FSIP1: variants seen among roughly 807,000 people sequenced by gnomAD.
FSIP1 encodes fibrous sheath interacting protein 1, also known as fibrous sheath-interacting protein 1.
FSIP1 carries 65 observed loss-of-function variants against 60.9 expected under a neutral mutation model. The ratio of observed to expected loss-of-function variants is 1.07; its 90% CI spans 0.87 to 1.31. The LOEUF (loss-of-function observed/expected upper bound fraction) is 1.31, where lower values mean the gene tolerates loss of function less well. Among genes scored for constraint, FSIP1 ranks in the 40% most tolerant of loss-of-function variants. The probability of loss-of-function intolerance (pLI) is 0.00; values close to 1 mark genes in which losing one functional copy is unlikely to be tolerated. For synonymous variants in FSIP1, 209 were observed against 221.2 expected (o/e 0.94, Z 0.49); for missense variants, 675 against 665.5 (o/e 1.01, Z -0.16).
chr15:39,646,966 A>G (rs531566259), intron 10 of FSIP1, among the ~76,000 whole-genome samples: 1 of 152,348 alleles, frequency 6.6e-6, no homozygotes, highest in African/African-American at 2.4e-5. Flanking sequence ...TAAACCAGAC[A>G]CAGAAAGAAA....
At chr15:39,695,680 C>T (rs200868232) in intron 10 of FSIP1, among the ~76,000 whole-genome samples, 57 of 152,190 alleles carry the variant, frequency 3.7e-4, no homozygotes, top group Middle Eastern at 3.4e-3. Flanking sequence ...CCACTGACTA[C>T]GGGACATTGT....
intron 10 of FSIP1, among the ~76,000 whole-genome samples, chr15:39,627,903 C>T (rs532205110): frequency 6.6e-6 from 1 of 152,360 alleles, no homozygotes; most frequent in East Asian, 1.9e-4. Context: ...GCTTCCAAGT[C>T]AGGGCTGGGC....
intron 11 of FSIP1, among the ~76,000 whole-genome samples, chr15:39,606,995 TAA>T (rs1320502268): frequency 6.6e-6 from 1 of 152,210 alleles, no homozygotes; most frequent in Non-Finnish European, 1.5e-5. Flanking sequence ...TCTCTGAGGT[TAA>T]GTGTGACCTG....
At chr15:39,781,792 T>C (rs1898273278) in intron 1 of FSIP1, among the ~76,000 whole-genome samples, 2 of 152,168 alleles carry the variant, frequency 1.3e-5, no homozygotes, top group South Asian at 2.1e-4. Flanking sequence ...AACTAGGAAG[T>C]TGTTGCCAGG....
chr15:39,774,685 G>A (rs961166871), intron 2 of FSIP1, among the ~76,000 whole-genome samples: 16 of 152,180 alleles, frequency 1.1e-4, no homozygotes, highest in East Asian at 3.8e-4. Flanking sequence ...CTGGACGTAC[G>A]TTAGGATAAT....
chr15:39,675,938 T>A (rs1244071866), intron 10 of FSIP1, among the ~76,000 whole-genome samples: 2 of 150,974 alleles, frequency 1.3e-5, no homozygotes, highest in East Asian at 3.9e-4. Context: ...CTGAGGCAGG[T>A]GGATTGCCTG....
intron 11 of FSIP1, among the ~76,000 whole-genome samples, chr15:39,617,444 C>A (rs113253663): frequency 8.5e-5 from 13 of 152,276 alleles, no homozygotes; most frequent in African/African-American, 2.9e-4. Context: ...CAAATCTATT[C>A]AAAGTATTTC....
chr15:39,654,933 G>T (rs914857381), intron 10 of FSIP1, among the ~76,000 whole-genome samples: 2 of 152,122 alleles, frequency 1.3e-5, no homozygotes, highest in African/African-American at 4.8e-5. Flanking sequence ...CGTGTCTTCT[G>T]GAAAAAGACA....
At position 39,701,954 on chromosome 15, in the gene FSIP1, G is replaced by C. The variant is rs538245128; in HGVS notation, c.1188+11490C>G. ...TTCCCTTTCCTTCTACCAGGAGCTGGGATTACTGCCAATCCAAGACCATTT... is the reference window on the plus strand; with the variant it reads ...TTCCCTTTCCTTCTACCAGGAGCTGCGATTACTGCCAATCCAAGACCATTT... On this transcript the variant is annotated intron_variant, in intron 10 of 11. Coordinates refer to ENST00000350221, the MANE Select transcript of FSIP1 (RefSeq NM_152597.5). Among the ~76,000 whole-genome samples, 41 of 152,212 alleles carry C rather than the reference G, an allele frequency of 2.7e-4. 1 individual carries two copies. In the South Asian group the frequency reaches 6.9e-3, roughly 25 times the overall value.
At chr15:39,649,033 G>A (rs1892752778) in intron 10 of FSIP1, among the ~76,000 whole-genome samples, 1 of 151,950 alleles carries the variant, frequency 6.6e-6, no homozygotes, top group South Asian at 2.1e-4. Context: ...AAGAGTGAGT[G>A]GAAGAGAACT....
chr15:39,779,969 G>A (rs927896788), intron 1 of FSIP1, among the ~76,000 whole-genome samples: 1 of 152,102 alleles, frequency 6.6e-6, no homozygotes, highest in Non-Finnish European at 1.5e-5. Flanking sequence ...TTTATGTATG[G>A]TCAGTTTTTT....
chr15:39,616,230 A>G (rs941575685), intron 11 of FSIP1, among the ~76,000 whole-genome samples: 7 of 152,184 alleles, frequency 4.6e-5, no homozygotes, highest in African/African-American at 1.7e-4. Context: ...TGTGAACCAT[A>G]TTTTCAGTGT....
chr15:39,683,498 C>G (rs1299330882), intron 10 of FSIP1, among the ~76,000 whole-genome samples: 1 of 152,056 alleles, frequency 6.6e-6, no homozygotes, highest in Non-Finnish European at 1.5e-5. Flanking sequence ...ATGCTTTCCC[C>G]CTAAGACCAG....
At chr15:39,638,780 C>T (rs2140415312) in intron 10 of FSIP1, among the ~76,000 whole-genome samples, 1 of 151,664 alleles carries the variant, frequency 6.6e-6, no homozygotes, top group Non-Finnish European at 1.5e-5. Context: ...ATACTATTTT[C>T]CTATTTCATG....
chr15:39,691,565 G>A (rs959830584), intron 10 of FSIP1, among the ~76,000 whole-genome samples: 11 of 152,224 alleles, frequency 7.2e-5, no homozygotes, highest in Non-Finnish European at 1.3e-4. Context: ...GTTAGGTTCC[G>A]GGATGAGTCT....
intron 1 of FSIP1, among the ~76,000 whole-genome samples, chr15:39,779,588 T>C (rs1898181193): frequency 6.6e-6 from 1 of 152,224 alleles, no homozygotes; most frequent in African/African-American, 2.4e-5. Flanking sequence ...ATTGGACTAA[T>C]GTGTTTTTCA....
downstream of FSIP1, chr15:39,598,195 G>C (rs140180358): frequency 6.6e-6 from 1 of 152,136 alleles, no homozygotes; most frequent in Non-Finnish European, 1.5e-5. Flanking sequence ...GATCAAAGAA[G>C]AAATTTTATG....
intron 10 of FSIP1, among the ~76,000 whole-genome samples, chr15:39,622,616 A>C (rs1033023761): frequency 6.6e-6 from 1 of 152,226 alleles, no homozygotes; most frequent in African/African-American, 2.4e-5. Flanking sequence ...TTAATTTTGC[A>C]ATAAACCTAT....
rs117974042 is a variant in FSIP1 at position 39,618,475 on chromosome 15, C to T, written c.1189-230G>A. 4.3e-3 allele frequency among the ~76,000 whole-genome samples: 648 copies of T among 149,842 alleles called. 4 individuals are homozygous for T. Among genetic ancestry groups the T allele is most frequent in the Non-Finnish European group, 6.0e-3 (404 of 67,676 alleles). On this transcript the variant is annotated intron_variant, in intron 10 of 11. Coordinates refer to ENST00000350221, the MANE Select transcript of FSIP1 (RefSeq NM_152597.5). ...CCCACCCATCCCTCAGCATGAATCC[C>T]ACCACCATCCAATTCCTTACTGGGA...
Sources: allele counts gnomAD v4.1 joint callset (sites outside exome capture counted in the v4.1 genomes callset), GRCh38; gene constraint gnomAD v4.1.1; transcripts MANE v1.5; gene names NCBI Gene and HGNC (gene_info 2026-07-23, HGNC 2026-07-21).